The following PTPRT variants were observed in gnomAD, a reference collection of about 807,000 sequenced individuals.
PTPRT encodes the protein protein tyrosine phosphatase receptor type T.
PTPRT carries 56 observed loss-of-function variants against 176.8 expected under a neutral mutation model. The ratio of observed to expected loss-of-function variants is 0.32; its 90% confidence interval spans 0.26 to 0.40. PTPRT has a LOEUF of 0.40. Among genes scored for constraint, PTPRT ranks in the 10% least tolerant of loss-of-function variants. The pLI, the probability that PTPRT is intolerant of heterozygous loss-of-function variation, is 1.00. For missense variants in PTPRT, 1,540 were observed against 1,908.2 expected (o/e 0.81, Z 3.60); for synonymous variants, 783 against 739.0 (o/e 1.06, Z -0.96).
intron 7 of PTPRT, among the ~76,000 whole-genome samples, chr20:42,666,147 T>A (rs1286968602): frequency 1.3e-5 from 2 of 151,984 alleles, no homozygotes; most frequent in Admixed American, 1.3e-4. Flanking sequence ...TAAAATAAAA[T>A]TAGTTATGTA....
intron 8 of PTPRT, among the ~76,000 whole-genome samples, chr20:42,453,657 T>A (rs8122692): frequency 0.14 from 21,209 of 146,566 alleles, 1,643 homozygotes; most frequent in Middle Eastern, 0.19. Flanking sequence ...GATTTTCCTT[T>A]TTTTTCTTTT....
chr20:42,102,264 C>A lies in PTPRT; in HGVS notation c.3574G>T (p.Glu1192Ter). The change falls in exon 26 of 31, where the codon GAG (glutamate) becomes TAG (stop). Residue 1192 changes from glutamate to a stop codon, truncating the protein, a stop_gained. Coordinates refer to ENST00000373187, the MANE Select transcript of PTPRT (RefSeq NM_007050.6). LOFTEE classifies it high-confidence loss of function. ...GGCAGGAGCCCAATGCTGCAGTCCTCGGGCCGCACACGGGGTGTCACAATG... is the reference window on the plus strand; with the variant it reads ...GGCAGGAGCCCAATGCTGCAGTCCTAGGGCCGCACACGGGGTGTCACAATG... Reference protein sequence around the residue: ...LNIVTPRVRPEDCSIGLLPRN... With the variant: ...LNIVTPRVRP The A allele has an allele frequency of 6.2e-7, 1 of 1,614,112 alleles. No individual in the cohort carries two copies. Among genetic ancestry groups the A allele is most frequent in the Non-Finnish European group, 8.5e-7 (1 of 1,180,004 alleles).
chr20:42,369,812 A>C (rs1437344445), intron 9 of PTPRT, among the ~76,000 whole-genome samples: 2 of 152,228 alleles, frequency 1.3e-5, no homozygotes, highest in East Asian at 3.8e-4. Flanking sequence ...ATGATGCCAA[A>C]TCATTTTTCA....
At chr20:42,324,109 C>A (rs181054128) in intron 11 of PTPRT, among the ~76,000 whole-genome samples, 107 of 152,260 alleles carry the variant, frequency 7.0e-4, no homozygotes, top group African/African-American at 2.5e-3. Context: ...AACATAAAAA[C>A]CATCCAAATG....
chr20:42,099,455 A>G (rs876523), intron 26 of PTPRT, among the ~76,000 whole-genome samples: 51,377 of 150,516 alleles, frequency 0.34, 8,938 homozygotes, highest in African/African-American at 0.41. Context: ...TCGCTGGCAC[A>G]TGCTAGACAG....
intron 1 of PTPRT, among the ~76,000 whole-genome samples, chr20:43,119,569 T>C (rs2013181442): frequency 6.6e-6 from 1 of 152,126 alleles, no homozygotes; most frequent in African/African-American, 2.4e-5. Context: ...GAAGCAGTGG[T>C]CCTTTGAGTG....
intron 2 of PTPRT, among the ~76,000 whole-genome samples, chr20:42,857,786 C>T (rs369931478): frequency 2.0e-4 from 30 of 152,296 alleles, no homozygotes; most frequent in Middle Eastern, 6.8e-3. Flanking sequence ...CTGAACCTGT[C>T]GAATCTTGTA....
chr20:42,669,566 A>G (rs2075378636), intron 7 of PTPRT, among the ~76,000 whole-genome samples: 1 of 152,180 alleles, frequency 6.6e-6, no homozygotes, highest in Non-Finnish European at 1.5e-5. Context: ...TCAGAACCCT[A>G]AGAGTTAGGC....
At chr20:42,239,852 C>G (rs2056319351) in intron 14 of PTPRT, among the ~76,000 whole-genome samples, 2 of 152,144 alleles carry the variant, frequency 1.3e-5, no homozygotes, top group African/African-American at 2.4e-5. Flanking sequence ...TCCCCACAAC[C>G]CTGAGGAGCA....
chr20:42,669,438 T>C (rs1006558981), intron 7 of PTPRT, among the ~76,000 whole-genome samples: 3 of 152,174 alleles, frequency 2.0e-5, no homozygotes, highest in African/African-American at 7.2e-5. Context: ...ACTGTTTCCA[T>C]GTTCCCCGAA....
rs369425647 is a variant in PTPRT, at chr20:42,579,181, A to C, written c.1153+98685T>G. ...GTGTTTGGTTTTTTGTCCTTGTGAG[A>C]GTTTGCTGAGAATGATGGTTTCCAG... On this transcript the variant is annotated intron_variant, in intron 7 of 30. Transcript: ENST00000373187. Among the ~76,000 whole-genome samples the C allele has an allele frequency of 9.3e-5, 14 of 150,714 alleles. No homozygotes were observed. The East Asian group carries it at 1.6e-3, about 17-fold the overall frequency.
intron 2 of PTPRT, among the ~76,000 whole-genome samples, chr20:42,791,808 T>A (rs1006932239): frequency 1.3e-5 from 2 of 152,252 alleles, no homozygotes; most frequent in African/African-American, 4.8e-5. Flanking sequence ...AAAGTTTCCT[T>A]GTAGGACGAA....
chr20:42,521,591 A>T (rs2145498803), intron 7 of PTPRT, among the ~76,000 whole-genome samples: 1 of 152,316 alleles, frequency 6.6e-6, no homozygotes, highest in Non-Finnish European at 1.5e-5. Flanking sequence ...GTTCACCAGT[A>T]GCCTTTATGC....
intron 7 of PTPRT, among the ~76,000 whole-genome samples, chr20:42,621,119 G>T (rs1185988639): frequency 6.6e-6 from 1 of 152,114 alleles, no homozygotes; most frequent in Non-Finnish European, 1.5e-5. Context: ...GATGAGATTT[G>T]GGTGGGGACA....
chr20:43,125,910 G>A (rs1305575760), intron 1 of PTPRT, among the ~76,000 whole-genome samples: 1 of 152,238 alleles, frequency 6.6e-6, no homozygotes, highest in South Asian at 2.1e-4. Flanking sequence ...ACAGAAAGAT[G>A]GTAATTTAAT....
At chr20:42,060,151 C>T in the PTPRT span, among the ~76,000 whole-genome samples, 1 of 152,136 alleles carries the variant, frequency 6.6e-6, no homozygotes, top group Non-Finnish European at 1.5e-5. Context: ...CCCAAAGAGA[C>T]CTTAGACAAT....
At chr20:42,408,784 A>T (rs2058985589) in intron 9 of PTPRT, among the ~76,000 whole-genome samples, 2 of 152,218 alleles carry the variant, frequency 1.3e-5, no homozygotes, top group Non-Finnish European at 2.9e-5. Context: ...AGAGTGGGTA[A>T]TTTATAAACA....
intron 13 of PTPRT, among the ~76,000 whole-genome samples, chr20:42,269,837 T>C (rs968321782): frequency 1.3e-5 from 2 of 152,146 alleles, no homozygotes; most frequent in Non-Finnish European, 2.9e-5. Context: ...TATGGGTAAA[T>C]TGTCAGGACA....
chr20:42,500,370 A>C (rs2071730862), intron 7 of PTPRT, among the ~76,000 whole-genome samples: 1 of 151,920 alleles, frequency 6.6e-6, no homozygotes, highest in African/African-American at 2.4e-5. Flanking sequence ...TTTTGAATTA[A>C]ATTTTATAAT....
Sources: gnomAD v4.1 joint callset for allele counts (sites outside exome capture counted in the v4.1 genomes callset) on GRCh38, gnomAD v4.1.1 for gene constraint, MANE v1.5 for transcripts, NCBI Gene and HGNC (gene_info 2026-07-23, HGNC 2026-07-21) for gene names.